Variants in HTR2A observed in about 807,000 individuals in gnomAD.
HTR2A encodes 5-HT2 receptor.
In HTR2A, 14 loss-of-function variants were observed where a neutral mutation model predicts 31.0. The observed-to-expected ratio is 0.45, with a 90% CI of 0.30 to 0.71. The LOEUF (loss-of-function observed/expected upper bound fraction) is 0.71. Ranked by LOEUF, HTR2A falls within the 30% of genes least tolerant of loss-of-function variation. HTR2A has a pLI of 0.09. For synonymous variants in HTR2A, 209 were observed against 225.2 expected (o/e 0.93, Z 0.64); for missense variants, 442 against 573.3 (o/e 0.77, Z 2.34).
chr13:46,845,011 C>CT (rs76929707), intron 3 of HTR2A, among the ~76,000 whole-genome samples: 45 of 149,552 alleles, frequency 3.0e-4, no homozygotes, highest in African/African-American at 1.1e-3. Context: ...TGTCTAAGAT[C>CT]TTTTTTTTTT....
intron 3 of HTR2A, among the ~76,000 whole-genome samples, chr13:46,864,551 C>T (rs571833200): frequency 6.6e-6 from 1 of 152,338 alleles, no homozygotes; most frequent in East Asian, 1.9e-4. Flanking sequence ...GACAACACTT[C>T]TATCTTGCGG....
Position 46,834,907 on chromosome 13 carries a change from C to A in HTR2A, c.1346G>T (p.Gly449Val). The A allele has an allele frequency of 6.2e-7, 1 of 1,614,076 alleles. No homozygotes were observed. Among genetic ancestry groups the A allele is most frequent in the South Asian group, 1.1e-5 (1 of 91,080 alleles). The change falls in exon 4 of 4, where the codon GGA becomes GTA. Residue 449 changes from glycine to valine, a missense_variant. By Grantham distance (109) the Gly-to-Val change is moderately radical. Coordinates refer to ENST00000542664, the MANE Select transcript of HTR2A (RefSeq NM_000621.5). ...AGAAGCCTCTTCAGAATGCTGCTTT[C>A]CTAGAGCAACCATTGAGCAGTCATT... ...TDNDCSMVAL[G>V]KQHSEEASKD...
At chr13:46,860,687 A>G (rs1223812124) in intron 3 of HTR2A, among the ~76,000 whole-genome samples, 2 of 152,248 alleles carry the variant, frequency 1.3e-5, no homozygotes, top group Non-Finnish European at 2.9e-5. Flanking sequence ...TTTGCTTAAA[A>G]TGAATATTAT....
chr13:46,852,771 C>T (rs554368642), intron 3 of HTR2A, among the ~76,000 whole-genome samples: 16 of 152,216 alleles, frequency 1.1e-4, no homozygotes, highest in African/African-American at 3.6e-4. Flanking sequence ...TTTTGTTTTC[C>T]CATAAACATT....
intron 3 of HTR2A, among the ~76,000 whole-genome samples, chr13:46,842,904 G>A (rs1296146186): frequency 1.3e-5 from 2 of 152,158 alleles, no homozygotes; most frequent in African/African-American, 2.4e-5. Flanking sequence ...CCATAGCTTC[G>A]GTTACCCAGT....
At position 46,831,595 on chromosome 13, in the gene HTR2A, C is replaced by G. The variant is rs1159535094; in HGVS notation, c.*3242G>C. ...ACAGTTATTTATCCTTTCTTGAAAA[C>G]TTTTAGCATCGCCTTGATTAAAATA... On this transcript the variant is annotated 3_prime_UTR_variant, in exon 4 of 4. Coordinates refer to ENST00000542664, the MANE Select transcript of HTR2A (RefSeq NM_000621.5). The G allele has an allele frequency of 6.6e-6, 1 of 152,228 alleles. No individual in the cohort carries two copies. Among genetic ancestry groups the G allele is most frequent in the Non-Finnish European group, 1.5e-5 (1 of 68,040 alleles). The allele number at this position is 152,228 out of a possible 1,614,324, so 9.4% of individuals were successfully genotyped here. A position where few individuals can be genotyped will look rare whatever the true frequency, so the allele number is the denominator to read the frequency against.
chr13:46,882,882 A>G (rs1394061581), intron 3 of HTR2A, among the ~76,000 whole-genome samples: 2 of 152,180 alleles, frequency 1.3e-5, no homozygotes, highest in African/African-American at 4.8e-5. Flanking sequence ...TCCAAGAGAG[A>G]TCCACCATGC....
intron 3 of HTR2A, among the ~76,000 whole-genome samples, chr13:46,842,228 T>C (rs1950603858): frequency 6.6e-6 from 1 of 152,174 alleles, no homozygotes; most frequent in South Asian, 2.1e-4. Flanking sequence ...CAGGTGCTCT[T>C]TTCTAGGCTG....
chr13:46,841,325 T>G (rs1950595496), intron 3 of HTR2A, among the ~76,000 whole-genome samples: 1 of 152,140 alleles, frequency 6.6e-6, no homozygotes. Context: ...TTGATTTTGT[T>G]TTTGCATTCT....
At chr13:46,842,482 T>C (rs1284484757) in intron 3 of HTR2A, among the ~76,000 whole-genome samples, 2 of 152,148 alleles carry the variant, frequency 1.3e-5, no homozygotes, top group African/African-American at 2.4e-5. Flanking sequence ...GAAAGCTAGA[T>C]TGCGGCAGGT....
chr13:46,880,637 G>C, intron 3 of HTR2A, among the ~76,000 whole-genome samples: 1 of 151,998 alleles, frequency 6.6e-6, no homozygotes, highest in South Asian at 2.1e-4. Context: ...TCAGGAGATC[G>C]AGACTAGCCT....
chr13:46,842,153 G>A (rs1356169625), intron 3 of HTR2A, among the ~76,000 whole-genome samples: 1 of 152,138 alleles, frequency 6.6e-6, no homozygotes, highest in Non-Finnish European at 1.5e-5. Flanking sequence ...ACAGAAAGTT[G>A]GGGGCAAAAT....
chr13:46,854,142 A>C (rs1395956618), intron 3 of HTR2A: 1 of 152,214 alleles, frequency 6.6e-6, no homozygotes, highest in African/African-American at 2.4e-5. Context: ...ACTTAGTGTC[A>C]AGTCTAGGAT....
At chr13:46,890,098 C>G (rs1412104365) in intron 3 of HTR2A, among the ~76,000 whole-genome samples, 1 of 152,340 alleles carries the variant, frequency 6.6e-6, no homozygotes, top group African/African-American at 2.4e-5. Context: ...AATCCCAGCA[C>G]TTTGGGAGGC....
intron 3 of HTR2A, among the ~76,000 whole-genome samples, chr13:46,881,469 T>A (rs1566316818): frequency 6.6e-6 from 1 of 152,080 alleles, no homozygotes; most frequent in Non-Finnish European, 1.5e-5. Flanking sequence ...GGGAGGGAAA[T>A]GAAGTATGGC....
At chr13:46,856,281 T>A (rs1274195829) in intron 3 of HTR2A, 1 of 152,168 alleles carries the variant, frequency 6.6e-6, no homozygotes, top group Non-Finnish European at 1.5e-5. Flanking sequence ...TTGAAATAAA[T>A]GCAAATACCT....
chr13:46,840,063 G>T (rs1323498105), intron 3 of HTR2A, among the ~76,000 whole-genome samples: 1 of 152,092 alleles, frequency 6.6e-6, no homozygotes, highest in Non-Finnish European at 1.5e-5. Flanking sequence ...AGTTATTTCG[G>T]GGCTCTTGTG....
intron 3 of HTR2A, among the ~76,000 whole-genome samples, chr13:46,836,077 ATT>A (rs1354915180): frequency 6.6e-6 from 1 of 151,886 alleles, no homozygotes; most frequent in Non-Finnish European, 1.5e-5. Context: ...TAGAATATAG[ATT>A]TGTTTCTTTT....
intron 3 of HTR2A, among the ~76,000 whole-genome samples, chr13:46,887,911 TTGG>T (rs764219311): frequency 6.6e-5 from 10 of 151,580 alleles, no homozygotes; most frequent in Non-Finnish European, 1.5e-4. Flanking sequence ...CTGGGGCCTG[TTGG>T]TGGGGGGAGG....
Sources: allele counts gnomAD v4.1 joint callset (sites outside exome capture counted in the v4.1 genomes callset), GRCh38; gene constraint gnomAD v4.1.1; transcripts MANE v1.5; gene names NCBI Gene and HGNC (gene_info 2026-07-23, HGNC 2026-07-21).